Variants in RABEP1 observed in about 807,000 individuals in gnomAD.
RABEP1 encodes the protein rabaptin, RAB GTPase binding effector protein 1.
In RABEP1, 51 loss-of-function variants were observed where a neutral mutation model predicts 123.4. The ratio of observed to expected loss-of-function variants is 0.41; its 90% confidence interval spans 0.33 to 0.52. The LOEUF is 0.52. Ranked by LOEUF, RABEP1 falls within the 20% of genes least tolerant of loss-of-function variation. The pLI is 0.16. For missense variants in RABEP1, 888 were observed against 996.3 expected (o/e 0.89, Z 1.46); for synonymous variants, 347 against 355.2 (o/e 0.98, Z 0.26).
chr17:5,282,548 C>T lies in RABEP1; in HGVS notation c.34+28C>T, dbSNP rs1010869315. Reference sequence around the variant, plus strand: ...GAGGCGCCCACCATGGCAGGCGCGGCGGGCGCGGCCTGCCCGGCGTCGGCG... The same window carrying T: ...GAGGCGCCCACCATGGCAGGCGCGGTGGGCGCGGCCTGCCCGGCGTCGGCG... On this transcript the variant is annotated intron_variant, in intron 1 of 17. Coordinates refer to ENST00000537505, the MANE Select transcript of RABEP1 (RefSeq NM_004703.6). 5 of 1,173,706 alleles carry T rather than the reference C, an allele frequency of 4.3e-6. No individual in the cohort carries two copies. In the African/African-American group the frequency reaches 6.4e-5, roughly 15 times the overall value. The allele number at this position is 1,173,706 out of a possible 1,614,324, so 72.7% of individuals were successfully genotyped here. A position where few individuals can be genotyped will look rare whatever the true frequency, so the allele number is the denominator to read the frequency against.
At position 5,350,449 on chromosome 17, in the gene RABEP1, A is replaced by G. The variant is rs1352381575; in HGVS notation, c.785-2A>G. On this transcript the variant is annotated splice_acceptor_variant, in intron 6 of 17. Transcript: ENST00000537505. LOFTEE classifies it high-confidence loss of function. ...ATTTGTGGTGGGGGGGTTCCTAAAC[A>G]GTTTGCCATCTCTTGGAGCAAGAGC... 6.2e-7 allele frequency: 1 copy of G among 1,606,796 alleles called. No homozygotes were observed. Among genetic ancestry groups the G allele is most frequent in the Non-Finnish European group, 8.5e-7 (1 of 1,177,730 alleles).
At chr17:5,342,241 AG>A (rs1240051362) in intron 5 of RABEP1, among the ~76,000 whole-genome samples, 13 of 152,194 alleles carry the variant, frequency 8.5e-5, no homozygotes, top group Non-Finnish European at 1.5e-4. Context: ...AAAAAGAAAA[AG>A]AAAAACTAGT....
At chr17:5,323,687 T>C (rs1349569030) in intron 2 of RABEP1, among the ~76,000 whole-genome samples, 1 of 115,932 alleles carries the variant, frequency 8.6e-6, no homozygotes, top group African/African-American at 4.0e-5. Flanking sequence ...GATATATATA[T>C]ATATCTCTCT....
rs1806221 is a variant in RABEP1, at chr17:5,385,458, C to G, written c.*2235C>G. ...TTAATTGACAGTCACTCAGCCATTTCTAAGCAGATATAGTAGTACCTTTCA... is the reference window on the plus strand; with the variant it reads ...TTAATTGACAGTCACTCAGCCATTTGTAAGCAGATATAGTAGTACCTTTCA... On this transcript the variant is annotated 3_prime_UTR_variant, in exon 18 of 18. Transcript: ENST00000537505. The G allele has an allele frequency of 6.4e-3, 1,481 of 230,356 alleles. 26 individuals carry two copies. The highest frequency in any genetic ancestry group is 0.031 in the African/African-American group (1,388 of 45,248). 14.3% of individuals were successfully genotyped at this position (230,356 alleles called of 1,614,324 possible). A position where few individuals can be genotyped will look rare whatever the true frequency, so the allele number is the denominator to read the frequency against.
At chr17:5,301,420 G>A (rs2075133800) in intron 1 of RABEP1, among the ~76,000 whole-genome samples, 1 of 152,122 alleles carries the variant, frequency 6.6e-6, no homozygotes, top group Non-Finnish European at 1.5e-5. Context: ...TTAAATGTAA[G>A]AAGACTATGC....
intron 13 of RABEP1, among the ~76,000 whole-genome samples, chr17:5,374,770 C>T (rs542258866): frequency 7.2e-5 from 11 of 152,264 alleles, no homozygotes; most frequent in African/African-American, 2.2e-4. Flanking sequence ...TTCCTGAGTA[C>T]TGGGACAACA....
At chr17:5,296,806 G>C (rs1019033905) in intron 1 of RABEP1, among the ~76,000 whole-genome samples, 1 of 152,166 alleles carries the variant, frequency 6.6e-6, no homozygotes, top group Non-Finnish European at 1.5e-5. Context: ...GAGTGCAGTG[G>C]TACAGTCATG....
rs1267481943 is a variant in RABEP1, at chr17:5,381,497, A to G, written c.2479A>G (p.Thr827Ala). 2 of 1,612,908 alleles carry G rather than the reference A, an allele frequency of 1.2e-6. No homozygotes were observed. Among genetic ancestry groups the G allele is most frequent in the East Asian group, 2.2e-5 (1 of 44,752 alleles). The change falls in exon 17 of 18, where the codon ACC becomes GCC. Residue 827 changes from threonine (T) to alanine (A), a missense_variant. Coordinates refer to ENST00000537505, the MANE Select transcript of RABEP1 (RefSeq NM_004703.6). The stretch of plus-strand genomic sequence containing the variant: ...GAGGGATTTTGTAAAGCTTTCACAG[A>G]CCCTTCAGGTGAGGCATTTGGGGAA... ...VQRDFVKLSQTLQVQLERIRQ... is the reference protein window; with the variant it reads ...VQRDFVKLSQALQVQLERIRQ...
intron 1 of RABEP1, among the ~76,000 whole-genome samples, chr17:5,292,662 G>C (rs1360601656): frequency 6.6e-6 from 1 of 152,156 alleles, no homozygotes; most frequent in Non-Finnish European, 1.5e-5. Context: ...GGGATTACAG[G>C]TGTGAACCAC....
chr17:5,307,779 C>T (rs8073133), intron 1 of RABEP1, among the ~76,000 whole-genome samples: 18,903 of 152,182 alleles, frequency 0.12, 1,904 homozygotes, highest in East Asian at 0.48. Context: ...CTGCTAATCT[C>T]CGCACACCAT....
intron 1 of RABEP1, among the ~76,000 whole-genome samples, chr17:5,300,128 A>G (rs1035163154): frequency 7.9e-5 from 12 of 152,174 alleles, no homozygotes; most frequent in Non-Finnish European, 1.2e-4. Flanking sequence ...TATAATATGC[A>G]GTTAGATGGG....
At chr17:5,347,430 CAAACA>C (rs1313721134) in intron 6 of RABEP1, among the ~76,000 whole-genome samples, 1 of 151,642 alleles carries the variant, frequency 6.6e-6, no homozygotes, top group Admixed American at 6.6e-5. Context: ...AACAAACAAA[CAAACA>C]AACAAACAAA....
intron 8 of RABEP1, among the ~76,000 whole-genome samples, chr17:5,354,865 G>A (rs940520339): frequency 4.6e-5 from 7 of 152,198 alleles, no homozygotes; most frequent in African/African-American, 1.4e-4. Context: ...TTAACTCCCT[G>A]TAGCATATAT....
At chr17:5,289,715 C>G (rs1374082355) in intron 1 of RABEP1, among the ~76,000 whole-genome samples, 4 of 151,928 alleles carry the variant, frequency 2.6e-5, no homozygotes, top group Admixed American at 2.0e-4. Flanking sequence ...GGCAGAGCAC[C>G]CTTTATTTTT....
intron 6 of RABEP1, among the ~76,000 whole-genome samples, chr17:5,349,708 C>G (rs192846006): frequency 2.0e-5 from 3 of 151,814 alleles, no homozygotes; most frequent in Admixed American, 2.0e-4. Flanking sequence ...TTGAGTTGTA[C>G]TGTGAAAAGT....
chr17:5,381,768 T>C, intron 17 of RABEP1: 1 of 307,336 alleles, frequency 3.3e-6, no homozygotes, highest in Non-Finnish European at 5.7e-6. Context: ...CATGTAAGAC[T>C]CTTCCCAACC....
intron 9 of RABEP1, 84 bp downstream of exon 9, chr17:5,361,759 C>A: frequency 1.7e-6 from 2 of 1,206,012 alleles, no homozygotes; most frequent in Non-Finnish European, 2.3e-6. Flanking sequence ...ATTCAACAGA[C>A]GGTTCCTGGA....
In RABEP1 at chr17:5,384,274, G is replaced by A. The variant is rs1360009328; in HGVS notation, c.*1051G>A. On this transcript the variant is annotated 3_prime_UTR_variant, in exon 18 of 18. Coordinates refer to ENST00000537505, the MANE Select transcript of RABEP1 (RefSeq NM_004703.6). ...CTGTCTTGTCATTTTACAAGCATTA[G>A]ATTCCTTTCCTGTGTGAAGAAAGCC... 9.4e-6 allele frequency: 2 copies of A among 213,686 alleles called. No individual in the cohort carries two copies. Among genetic ancestry groups the A allele is most frequent in the Non-Finnish European group, 1.9e-5 (2 of 105,828 alleles). 13.2% of individuals were successfully genotyped at this position (213,686 alleles called of 1,614,324 possible).
Position 5,355,658 on chromosome 17 carries a change from G to C in RABEP1, c.1095+1168G>C, listed in dbSNP as rs564823608. ...ACAGGTCTTGTCTTTACTTTCAGGG[G>C]TATCATGTTTCTATTTACTTTGCAG... On this transcript the variant is annotated intron_variant, in intron 8 of 17. Transcript: ENST00000537505. Among the ~76,000 whole-genome samples, 7 of 152,158 alleles carry C rather than the reference G, an allele frequency of 4.6e-5. No homozygotes were observed. In the East Asian group the frequency reaches 1.3e-3, roughly 29 times the overall value.
Sources: allele counts gnomAD v4.1 joint callset (sites outside exome capture counted in the v4.1 genomes callset), GRCh38; gene constraint gnomAD v4.1.1; transcripts MANE v1.5; gene names NCBI Gene and HGNC (gene_info 2026-07-23, HGNC 2026-07-21).